GLOD5: variants seen among roughly 807,000 people sequenced by gnomAD.
GLOD5 encodes glyoxalase domain containing 5.
GLOD5 carries 7 observed loss-of-function variants against 9.9 expected under a neutral mutation model. The ratio of observed to expected loss-of-function variants is 0.71; its 90% CI spans 0.40 to 1.33. The LOEUF (loss-of-function observed/expected upper bound fraction) is 1.33, where lower values mean the gene tolerates loss of function less well. GLOD5 is among the 40% of genes most tolerant of loss of function. GLOD5 has a pLI of 0.01. For missense variants in GLOD5, 146 were observed against 128.4 expected, an observed-to-expected ratio of 1.14 and a Z score of -0.66; for synonymous variants, 49 against 47.3, an observed-to-expected ratio of 1.04 and a Z score of -0.14.
rs782324828 is a variant in GLOD5, at chrX:48,773,499, C to T, written c.*64C>T. On this transcript the variant is annotated 3_prime_UTR_variant, in exon 4 of 4. Transcript: ENST00000303227. ...CGCCCTCTCCTTTCCTTCCTGCAAA[C>T]CCCCACCCAGGCCCAGAGATCTCCA... 17 of 1,127,824 alleles carry T rather than the reference C, an allele frequency of 1.5e-5. No homozygotes were observed. Among genetic ancestry groups the T allele is most frequent in the Non-Finnish European group, 1.9e-5 (16 of 832,337 alleles). The allele number at this position is 1,127,824 out of a possible 1,213,427, so 92.9% of individuals were successfully genotyped here. A position where few individuals can be genotyped will look rare whatever the true frequency, so the allele number is the denominator to read the frequency against.
chrX:48,766,437 CAACCAAACTATT>C (rs2147294291), intron 2 of GLOD5, among the ~76,000 whole-genome samples: 1 of 112,028 alleles, frequency 8.9e-6, no homozygotes, highest in African/African-American at 3.2e-5. Flanking sequence ...ATTCTATGTC[CAACCAAACTATT>C]AACCAAAGGT....
At chrX:48,767,566 C>T (rs1557016844) in intron 2 of GLOD5, among the ~76,000 whole-genome samples, 1 of 111,481 alleles carries the variant, frequency 9.0e-6, no homozygotes, top group Non-Finnish European at 1.9e-5. Flanking sequence ...TAATCCCACA[C>T]AGGCATGGTG....
At chrX:48,767,538 G>T (rs1411001333) in intron 2 of GLOD5, among the ~76,000 whole-genome samples, 1 of 111,031 alleles carries the variant, frequency 9.0e-6, no homozygotes, top group Non-Finnish European at 1.9e-5. Flanking sequence ...CTGAGGTCAG[G>T]AGTTTGAGGC....
chrX:48,764,572 GA>G (rs1306473432), intron 1 of GLOD5, among the ~76,000 whole-genome samples: 37 of 83,838 alleles, frequency 4.4e-4, no homozygotes, highest in Non-Finnish European at 6.8e-4. Flanking sequence ...TTTTTTTTTA[GA>G]TACAGTCTTG....
intron 2 of GLOD5, 70 bp downstream of exon 2, chrX:48,766,042 T>TA: frequency 1.0e-6 from 1 of 992,182 alleles, no homozygotes; most frequent in Non-Finnish European, 1.4e-6. Flanking sequence ...ACATATAACT[T>TA]AACTCTAAAA....
At position 48,771,408 on chromosome X, in the gene GLOD5, T is replaced by C. The variant is rs782620029; in HGVS notation, c.357+326T>C. On this transcript the variant is annotated intron_variant, in intron 3 of 3. Coordinates refer to ENST00000303227, the MANE Select transcript of GLOD5 (RefSeq NM_001080489.3). ...TCGGCTCACTGCAACCTCCACCTCC[T>C]GGGTTCAAGCGATTCTCCTGCCTCA... Among the ~76,000 whole-genome samples, 391 of 107,929 alleles carry C rather than the reference T, an allele frequency of 3.6e-3. 2 individuals carry two copies. Among genetic ancestry groups the C allele is most frequent in the African/African-American group, 0.012 (368 of 29,559 alleles). The allele number at this position is 107,929 out of a possible 115,157, so 93.7% of individuals were successfully genotyped here. A position where few individuals can be genotyped will look rare whatever the true frequency, so the allele number is the denominator to read the frequency against.
chrX:48,761,916 C>T, intron 1 of GLOD5, 63 bp downstream of exon 1: 1 of 863,814 alleles, frequency 1.2e-6, no homozygotes, highest in African/African-American at 2.0e-5. Flanking sequence ...GGTCTAGTAA[C>T]CTGTTTCCCT....
At chrX:48,765,577 CAAAAAAA>C (rs66661999) in intron 1 of GLOD5, 14 of 177,480 alleles carry the variant, frequency 7.9e-5, no homozygotes, top group Middle Eastern at 1.7e-3. Flanking sequence ...GACTCTGTCT[CAAAAAAA>C]AAAAAAAAAA....
intron 3 of GLOD5, 80 bp from the exon 4 acceptor site, chrX:48,773,230 A>AC: frequency 4.9e-6 from 1 of 205,218 alleles, no homozygotes; most frequent in Non-Finnish European, 7.6e-6. Flanking sequence ...ACTCTGTCAC[A>AC]AAAAAAAAAA....
intron 2 of GLOD5, among the ~76,000 whole-genome samples, chrX:48,769,703 G>A (rs1602208227): frequency 9.0e-6 from 1 of 110,728 alleles, no homozygotes; most frequent in African/African-American, 3.3e-5. Flanking sequence ...TGGTGCAGCC[G>A]GGCACACTGG....
At chrX:48,769,761 T>C (rs1557017127) in intron 2 of GLOD5, among the ~76,000 whole-genome samples, 3 of 107,486 alleles carry the variant, frequency 2.8e-5, no homozygotes, top group Non-Finnish European at 5.8e-5. Context: ...CGGGGAACAC[T>C]TGAGCCAGGA....
intron 2 of GLOD5, among the ~76,000 whole-genome samples, chrX:48,767,615 C>G (rs2062612586): frequency 1.8e-5 from 2 of 111,683 alleles, no homozygotes; most frequent in South Asian, 7.4e-4. Flanking sequence ...GAGGCTGAGG[C>G]AGGAGAATCA....
chrX:48,762,687 T>C (rs781944361), intron 1 of GLOD5, among the ~76,000 whole-genome samples: 4 of 111,366 alleles, frequency 3.6e-5, no homozygotes, highest in Admixed American at 2.9e-4. Context: ...TCCACCCACC[T>C]TGGCCTCCCA....
chrX:48,771,453 C>A (rs1340304197), intron 3 of GLOD5, among the ~76,000 whole-genome samples: 1 of 109,117 alleles, frequency 9.2e-6, no homozygotes, highest in Non-Finnish European at 1.9e-5. Flanking sequence ...GTTGCTGGTA[C>A]TACAGGTGCG....
intron 2 of GLOD5, 83 bp from the exon 3 acceptor site, chrX:48,770,844 G>A: frequency 1.3e-6 from 1 of 747,767 alleles, no homozygotes; most frequent in Non-Finnish European, 1.9e-6. Flanking sequence ...AAACCTTGTT[G>A]GGATAGGTGG....
intron 2 of GLOD5, among the ~76,000 whole-genome samples, chrX:48,770,281 TAATA>T (rs200009835): frequency 4.2e-5 from 4 of 95,620 alleles, no homozygotes; most frequent in Admixed American, 1.0e-4. Context: ...TCTCAAATAA[TAATA>T]AATAAATAAA....
chrX:48,770,639 T>G (rs1317493346), intron 2 of GLOD5, among the ~76,000 whole-genome samples: 1 of 111,605 alleles, frequency 9.0e-6, no homozygotes, highest in Non-Finnish European at 1.9e-5. Context: ...TTCTGTTGTG[T>G]TTATAAGAAA....
chrX:48,763,356 G>C (rs1259805402), intron 1 of GLOD5, among the ~76,000 whole-genome samples: 1 of 111,552 alleles, frequency 9.0e-6, no homozygotes, highest in Admixed American at 9.6e-5. Flanking sequence ...AATATAAACA[G>C]GGTATTGTGA....
chrX:48,763,516 CA>C (rs782578068), intron 1 of GLOD5, among the ~76,000 whole-genome samples: 1 of 105,224 alleles, frequency 9.5e-6, no homozygotes, highest in Non-Finnish European at 2.0e-5. Flanking sequence ...CTCACCTCTA[CA>C]AAAAAAAAGA....
Sources: gnomAD v4.1 joint callset for allele counts (sites outside exome capture counted in the v4.1 genomes callset) on GRCh38, gnomAD v4.1.1 for gene constraint, MANE v1.5 for transcripts, NCBI Gene and HGNC (gene_info 2026-07-23, HGNC 2026-07-21) for gene names.